Variants in CMTR1 observed in about 807,000 individuals in gnomAD.
CMTR1 encodes the protein cap-specific mRNA (nucleoside-2'-O-)-methyltransferase 1.
CMTR1 carries 39 observed loss-of-function variants against 107.0 expected under a neutral mutation model. The ratio of observed to expected loss-of-function variants is 0.36; its 90% CI spans 0.28 to 0.48. The LOEUF (loss-of-function observed/expected upper bound fraction) is 0.48. Ranked by LOEUF, CMTR1 falls within the 20% of genes least tolerant of loss-of-function variation. The pLI is 0.99. For synonymous variants in CMTR1, 366 were observed against 379.5 expected (o/e 0.96, Z 0.41); for missense variants, 672 against 1,064.9 (o/e 0.63, Z 5.14).
intron 22 of CMTR1, among the ~76,000 whole-genome samples, chr6:37,478,816 G>A (rs1761796421): frequency 6.6e-6 from 1 of 152,228 alleles, no homozygotes; most frequent in Non-Finnish European, 1.5e-5. Flanking sequence ...AGCAAATCCA[G>A]AAAGTCAAGC....
Position 37,453,139 on chromosome 6 carries a change from C to T in CMTR1, c.702C>T (p.Asn234=). ...YEMIRGVFFL[N]RAAMKMANMD... The stretch of plus-strand genomic sequence containing the variant: ...TGATCCGAGGAGTCTTCTTTCTAAA[C>T]AGGTTTGCTGACATTTCCCTCCCCT... Residue 234 remains asparagine, a splice_region_variant and synonymous_variant, in exon 7 of 24, where the codon AAC becomes AAT. Coordinates refer to ENST00000373451, the MANE Select transcript of CMTR1 (RefSeq NM_015050.3). The T allele has an allele frequency of 6.2e-7, 1 of 1,614,162 alleles. No individual in the cohort carries two copies. Among genetic ancestry groups the T allele is most frequent in the Non-Finnish European group, 8.5e-7 (1 of 1,180,002 alleles).
Position 37,453,110 on chromosome 6 carries a change from G to A in CMTR1, c.673G>A (p.Glu225Lys). The change falls in exon 7 of 24, where the codon GAG becomes AAG. Residue 225 changes from glutamate (E) to lysine (K), a missense_variant. By Grantham distance (56) the Glu-to-Lys change is moderately conservative. Around this residue, in one of 2 missense-constraint regions of CMTR1, gnomAD observed 583 missense variants for 968.4 expected, o/e 0.60. Transcript: ENST00000373451. ...AGCTCGGACTCGGGCCAATCCCTAT[G>A]AGATGATCCGAGGAGTCTTCTTTCT... ...RRARTRANPYEMIRGVFFLNR... is the reference protein window; with the variant it reads ...RRARTRANPYKMIRGVFFLNR... The A allele has an allele frequency of 6.2e-7, 1 of 1,614,182 alleles. No homozygotes were observed. Among genetic ancestry groups the A allele is most frequent in the Non-Finnish European group, 8.5e-7 (1 of 1,180,038 alleles).
At chr6:37,441,539 C>T (rs991926574) in intron 2 of CMTR1, among the ~76,000 whole-genome samples, 12 of 151,946 alleles carry the variant, frequency 7.9e-5, no homozygotes, top group South Asian at 2.1e-4. Context: ...CTCAGCCTCC[C>T]GAGTAGCTGA....
chr6:37,432,798 A>G (rs1436127606), upstream of CMTR1, among the ~76,000 whole-genome samples: 1 of 152,240 alleles, frequency 6.6e-6, no homozygotes, highest in East Asian at 1.9e-4. Flanking sequence ...TACAGGCGGC[A>G]TTCCTTCTGT....
chr6:37,455,595 T>C (rs1033015442), intron 8 of CMTR1, among the ~76,000 whole-genome samples: 2 of 152,150 alleles, frequency 1.3e-5, no homozygotes, highest in African/African-American at 4.8e-5. Context: ...AAGAATACAT[T>C]GTCTGTGAAG....
rs775885006 is a variant in CMTR1, at chr6:37,444,098, A to G, written c.233A>G (p.Glu78Gly). The change falls in exon 3 of 24, where the codon GAA (glutamate) becomes GGA (glycine). Residue 78 changes from glutamate (E) to glycine (G), a missense_variant. Coordinates refer to ENST00000373451, the MANE Select transcript of CMTR1 (RefSeq NM_015050.3). ...GCATTCAAAGCAGACTCTCTTGTGG[A>G]AGGAACTTCTTCTCGCTATTCCATG... ...DDAFKADSLV[E>G]GTSSRYSMYN... The G allele has an allele frequency of 1.1e-5, 17 of 1,614,204 alleles. No individual in the cohort carries two copies. The highest frequency in any genetic ancestry group is 2.2e-5 in the East Asian group (1 of 44,886).
intron 4 of CMTR1, among the ~76,000 whole-genome samples, chr6:37,447,716 C>A (rs1441848914): frequency 6.6e-6 from 1 of 151,752 alleles, no homozygotes; most frequent in East Asian, 1.9e-4. Context: ...CAAAAACTAG[C>A]CAGGTGTGGG....
chr6:37,460,592 G>A (rs1270210924), intron 10 of CMTR1, among the ~76,000 whole-genome samples: 1 of 151,858 alleles, frequency 6.6e-6, no homozygotes, highest in African/African-American at 2.4e-5. Flanking sequence ...CTTTAAGTCT[G>A]GAAGACACTC....
At chr6:37,448,779 C>G (rs1199292033) in intron 4 of CMTR1, among the ~76,000 whole-genome samples, 3 of 152,164 alleles carry the variant, frequency 2.0e-5, no homozygotes, top group Non-Finnish European at 4.4e-5. Context: ...GGTTAGCCAC[C>G]TGTTTAGGTT....
intron 22 of CMTR1, 114 bp from the exon 23 acceptor site, chr6:37,479,029 CTGCT>C: frequency 1.5e-6 from 1 of 685,216 alleles, no homozygotes; most frequent in Non-Finnish European, 2.6e-6. Context: ...GGGCTATTCC[CTGCT>C]TGCTTTTGGT....
Position 37,477,628 on chromosome 6 carries a change from G to A in CMTR1, c.2142G>A (p.Lys714=), listed in dbSNP as rs1412160842. 1 of 1,613,366 alleles carries A rather than the reference G, an allele frequency of 6.2e-7. No individual in the cohort carries two copies. Among genetic ancestry groups the A allele is most frequent in the East Asian group, 2.2e-5 (1 of 44,860 alleles). Reference sequence around the variant, plus strand: ...TGTACAGACTGGAAGAGATGGAGAAGATTTTTGTCAGGTGAGTGACTTGAC... The same window carrying A: ...TGTACAGACTGGAAGAGATGGAGAAAATTTTTGTCAGGTGAGTGACTTGAC... ...KEVYRLEEME[K]IFVRLEMKII... is the part of the protein sequence containing the mutation. The change falls in exon 21 of 24, where the codon AAG becomes AAA. Residue 714 remains lysine, a synonymous_variant. Transcript: ENST00000373451.
At chr6:37,453,380 T>G in intron 8 of CMTR1, 68 bp downstream of exon 8, 1 of 1,400,484 alleles carries the variant, frequency 7.1e-7, no homozygotes, top group Non-Finnish European at 1.0e-6. Flanking sequence ...GCTCAGCCAT[T>G]GCCATTTGTT....
intron 13 of CMTR1, among the ~76,000 whole-genome samples, chr6:37,468,537 T>C (rs1239938510): frequency 6.6e-6 from 1 of 152,250 alleles, no homozygotes; most frequent in Non-Finnish European, 1.5e-5. Context: ...TCTTCTAGCC[T>C]GTCTTTGTAG....
chr6:37,470,336 C>CGGG (rs1015388101), intron 13 of CMTR1, among the ~76,000 whole-genome samples: 2 of 151,974 alleles, frequency 1.3e-5, no homozygotes, highest in Non-Finnish European at 2.9e-5. Flanking sequence ...TTAGTAGAGA[C>CGGG]GGGGTTTCAC....
At chr6:37,440,392 G>A (rs1562116394) in intron 2 of CMTR1, among the ~76,000 whole-genome samples, 1 of 152,186 alleles carries the variant, frequency 6.6e-6, no homozygotes, top group African/African-American at 2.4e-5. Context: ...AGGCCCCTGA[G>A]TAAGAATAAG....
intron 2 of CMTR1, among the ~76,000 whole-genome samples, chr6:37,443,534 TATTA>T (rs1291013205): frequency 1.3e-5 from 2 of 152,124 alleles, no homozygotes; most frequent in East Asian, 3.8e-4. Context: ...TTTGTATTTT[TATTA>T]GAGATAGGGT....
intron 10 of CMTR1, among the ~76,000 whole-genome samples, chr6:37,460,043 C>G (rs1761369212): frequency 6.6e-6 from 1 of 152,276 alleles, no homozygotes; most frequent in South Asian, 2.1e-4. Flanking sequence ...AGTGAATGTT[C>G]AAGAGGCCTT....
rs13217767 is a variant in CMTR1, at chr6:37,470,320, G to A, written c.1506-701G>A. 5.0e-3 allele frequency among the ~76,000 whole-genome samples: 762 copies of A among 152,072 alleles called. 10 individuals carry two copies. Among genetic ancestry groups the A allele is most frequent in the Middle Eastern group, 0.01 (3 of 294 alleles). ...CGCCACCACGCCCGGCTGATTTTTT[G>A]TATTTTTAGTAGAGACGGGGTTTCA... On this transcript the variant is annotated intron_variant, in intron 13 of 23. Coordinates refer to ENST00000373451, the MANE Select transcript of CMTR1 (RefSeq NM_015050.3).
chr6:37,473,746 A>T, intron 17 of CMTR1, 145 bp downstream of exon 17: 2 of 979,426 alleles, frequency 2.0e-6, no homozygotes, highest in Non-Finnish European at 1.5e-6. Flanking sequence ...ATTTCTTGAA[A>T]CTTCGTTTCC....
Sources: allele counts gnomAD v4.1 joint callset (sites outside exome capture counted in the v4.1 genomes callset), GRCh38; gene constraint gnomAD v4.1.1; regional missense constraint gnomAD v4.1.1; transcripts MANE v1.5; gene names NCBI Gene and HGNC (gene_info 2026-07-23, HGNC 2026-07-21).